FMN1: variants seen among roughly 807,000 people sequenced by gnomAD.
FMN1 encodes the protein formin-1.
In FMN1, 110 loss-of-function variants were observed where a neutral mutation model predicts 132.4. The observed-to-expected ratio is 0.83, with a 90% confidence interval of 0.71 to 0.97. The LOEUF (loss-of-function observed/expected upper bound fraction) is 0.97. FMN1 is among the 50% of genes least tolerant of loss of function. The pLI is 0.00. For missense variants in FMN1, 1,792 were observed against 1,705.3 expected (o/e 1.05, Z -0.90); for synonymous variants, 722 against 651.7 (o/e 1.11, Z -1.64).
chr15:32,957,477 A>T (rs766793337), intron 9 of FMN1, among the ~76,000 whole-genome samples: 13 of 152,020 alleles, frequency 8.6e-5, no homozygotes, highest in Non-Finnish European at 1.6e-4. Context: ...TTCAGTGAAA[A>T]GAGACTATAC....
chr15:33,128,130 G>A (rs1008815390), intron 4 of FMN1, among the ~76,000 whole-genome samples: 21 of 152,160 alleles, frequency 1.4e-4, no homozygotes, highest in African/African-American at 5.1e-4. Context: ...CCATGGTGAT[G>A]GGAGCAGTAG....
chr15:32,788,746 C>T (rs186237572), intron 19 of FMN1, among the ~76,000 whole-genome samples: 2 of 152,328 alleles, frequency 1.3e-5, no homozygotes, highest in Admixed American at 1.3e-4. Context: ...CGGACAGATG[C>T]TCTCTAAGGT....
intron 17 of FMN1, among the ~76,000 whole-genome samples, chr15:32,842,807 G>A (rs1215077886): frequency 1.5e-5 from 2 of 136,370 alleles, no homozygotes; most frequent in Admixed American, 1.6e-4. Context: ...TTTTTTTGAG[G>A]AAGTAAGCTT....
Position 33,151,123 on chromosome 15 carries a change from A to C in FMN1, c.1867+1925T>G, listed in dbSNP as rs555815181. ...CAAGAGAGAAAAGGGAACTAGACAG[A>C]GGATACAAATCAAAGGTACTATCTG... On this transcript the variant is annotated intron_variant, in intron 4 of 20. Transcript: ENST00000616417. 4 of 1,413,460 alleles carry C rather than the reference A, an allele frequency of 2.8e-6. No homozygotes were observed. The East Asian group carries it at 1.0e-4, about 36-fold the overall frequency. 87.6% of individuals were successfully genotyped at this position (1,413,460 alleles called of 1,614,324 possible).
chr15:32,998,569 T>G (rs1421729790), intron 7 of FMN1, among the ~76,000 whole-genome samples: 1 of 152,186 alleles, frequency 6.6e-6, no homozygotes, highest in Non-Finnish European at 1.5e-5. Flanking sequence ...GCAGGACAAG[T>G]CTGGAGAGAA....
chr15:33,082,620 G>A (rs2038527454), intron 5 of FMN1, among the ~76,000 whole-genome samples: 1 of 152,076 alleles, frequency 6.6e-6, no homozygotes, highest in Admixed American at 6.5e-5. Context: ...ATATTCAGTT[G>A]CCTTTGATAA....
chr15:33,166,789 G>A (rs73382505), intron 3 of FMN1, among the ~76,000 whole-genome samples: 4 of 152,098 alleles, frequency 2.6e-5, no homozygotes, highest in Non-Finnish European at 4.4e-5. Context: ...AATGCACTTC[G>A]TAAAATACCA....
intron 7 of FMN1, among the ~76,000 whole-genome samples, chr15:32,978,507 C>T (rs1035263257): frequency 1.2e-4 from 19 of 152,288 alleles, no homozygotes; most frequent in African/African-American, 4.1e-4. Flanking sequence ...TAAGACTGCA[C>T]ATTTTAGGCA....
At chr15:32,921,268 G>A (rs1166591744) in intron 10 of FMN1, among the ~76,000 whole-genome samples, 1 of 152,170 alleles carries the variant, frequency 6.6e-6, no homozygotes, top group Non-Finnish European at 1.5e-5. Flanking sequence ...AACAGAGGGA[G>A]CGTGCAGAAC....
At chr15:32,936,221 G>A (rs2061266513) in intron 9 of FMN1, among the ~76,000 whole-genome samples, 1 of 151,926 alleles carries the variant, frequency 6.6e-6, no homozygotes, top group East Asian at 1.9e-4. Flanking sequence ...GTGTCTTTAG[G>A]ATTGGTTTGA....
chr15:32,951,452 CACACAT>C (rs1312644326), intron 9 of FMN1, among the ~76,000 whole-genome samples: 20 of 145,636 alleles, frequency 1.4e-4, no homozygotes, highest in African/African-American at 5.3e-4. Flanking sequence ...CACACACACA[CACACAT>C]CCACGCACAC....
intron 7 of FMN1, 85 bp from the exon 8 acceptor site, chr15:32,969,562 G>T: frequency 1.4e-6 from 2 of 1,421,622 alleles, no homozygotes; most frequent in Non-Finnish European, 1.9e-6. Context: ...TACCATCATG[G>T]TGCCACTGTA....
At position 32,857,071 on chromosome 15, in the gene FMN1, G is replaced by GAT; in HGVS notation, c.3871_3872insAT (p.Ser1291TyrfsTer14). 2 of 1,613,860 alleles carry GAT rather than the reference G, an allele frequency of 1.2e-6. No individual in the cohort carries two copies. The highest frequency in any genetic ancestry group is 1.7e-6 in the Non-Finnish European group (2 of 1,179,754). On this transcript the variant is annotated frameshift_variant, in exon 17 of 21. Transcript: ENST00000616417. LOFTEE classifies it high-confidence loss of function. ...GAAAGGCTGGAGATACTCCTTTGGG[G>GAT]ACTCCTTGCACACCACCACCATCTG...
intron 3 of FMN1, among the ~76,000 whole-genome samples, chr15:33,165,914 T>A (rs747813730): frequency 1.3e-5 from 2 of 152,232 alleles, no homozygotes; most frequent in African/African-American, 2.4e-5. Flanking sequence ...ACAGAAAACC[T>A]ATTTTTTGGT....
chr15:32,774,214 C>A lies in FMN1; in HGVS notation c.*96G>T. ...ATGAGCAAAAACAAACATTTAGTGA[C>A]ACATCTTTCAAGAACGTCCTGCAAC... On this transcript the variant is annotated 3_prime_UTR_variant, in exon 21 of 21. Transcript: ENST00000616417. The A allele has an allele frequency of 1.1e-6, 1 of 936,080 alleles. No homozygotes were observed. The highest frequency in any genetic ancestry group is 2.3e-5 in the Admixed American group (1 of 44,030). 58.0% of individuals were successfully genotyped at this position (936,080 alleles called of 1,614,324 possible). A position where few individuals can be genotyped will look rare whatever the true frequency, so the allele number is the denominator to read the frequency against.
At position 32,818,812 on chromosome 15, in the gene FMN1, G is replaced by T. The variant is rs139136580; in HGVS notation, c.3929-14480C>A. Among the ~76,000 whole-genome samples the T allele has an allele frequency of 8.0e-3, 1,216 of 151,968 alleles. 8 individuals carry two copies. Among genetic ancestry groups the T allele is most frequent in the Middle Eastern group, 0.017 (5 of 294 alleles). ...ATTCAGTAGGAAACAGATCTCCCTC[G>T]AAATCTGAGAGGGTAAAATGTTCAA... On this transcript the variant is annotated intron_variant, in intron 17 of 20. Transcript: ENST00000616417.
At chr15:33,089,419 T>C (rs913158155) in intron 4 of FMN1, among the ~76,000 whole-genome samples, 3 of 152,220 alleles carry the variant, frequency 2.0e-5, no homozygotes, top group Middle Eastern at 3.2e-3. Context: ...AGAATCATTA[T>C]GCATGGTGCA....
rs150297751 is a variant in FMN1 at position 33,074,210 on chromosome 15, A to C, written c.2044-9136T>G. 5.6e-3 allele frequency among the ~76,000 whole-genome samples: 860 copies of C among 152,342 alleles called. 12 individuals are homozygous for C. The highest frequency in any genetic ancestry group is 0.02 in the African/African-American group (834 of 41,576). On this transcript the variant is annotated intron_variant, in intron 5 of 20. Transcript: ENST00000616417. ...GTGGGATCTTACCTTCTTCCTGATC[A>C]GCATCTTCGTTATACTCATTTTCCA...
chr15:32,850,809 T>C (rs899715397), intron 17 of FMN1, among the ~76,000 whole-genome samples: 1 of 152,236 alleles, frequency 6.6e-6, no homozygotes, highest in Non-Finnish European at 1.5e-5. Context: ...TACTAGAAAA[T>C]AGTTCTTTTT....
Sources: allele counts gnomAD v4.1 joint callset (sites outside exome capture counted in the v4.1 genomes callset), GRCh38; gene constraint gnomAD v4.1.1; transcripts MANE v1.5; gene names NCBI Gene and HGNC (gene_info 2026-07-23, HGNC 2026-07-21).